FHIT: variants seen among roughly 807,000 people sequenced by gnomAD.
The protein encoded by FHIT is fragile histidine triad diadenosine triphosphatase, also known as bis(5'-adenosyl)-triphosphatase.
Under a neutral mutation model 17.9 loss-of-function variants are expected in FHIT, and 19 were observed. That is an observed-to-expected ratio of 1.06 (90% CI 0.74 to 1.56). The LOEUF (loss-of-function observed/expected upper bound fraction) is 1.56, where lower values mean the gene tolerates loss of function less well. Among genes scored for constraint, FHIT ranks in the 40% most tolerant of loss-of-function variants. The pLI is 0.00. For synonymous variants in FHIT, 81 were observed against 69.7 expected (o/e 1.16, Z -0.81); for missense variants, 248 against 189.2 (o/e 1.31, Z -1.82).
chr3:60,761,327 C>G (rs1396831193), intron 4 of FHIT, among the ~76,000 whole-genome samples: 1 of 152,114 alleles, frequency 6.6e-6, no homozygotes, highest in Non-Finnish European at 1.5e-5. Flanking sequence ...AGTGAACGTG[C>G]GTATGAGCAC....
At chr3:60,177,362 T>C (rs1293950277) in intron 5 of FHIT, among the ~76,000 whole-genome samples, 2 of 151,656 alleles carry the variant, frequency 1.3e-5, no homozygotes, top group East Asian at 1.9e-4. Context: ...GCAAAAGTAC[T>C]AGCACAACTG....
Position 60,981,766 on chromosome 3 carries a change from G to A in FHIT, c.-111+60281C>T, listed in dbSNP as rs539784363. On this transcript the variant is annotated intron_variant, in intron 3 of 9. Transcript: ENST00000492590. ...TGGGACTACAGGTGTACACCACCATGTCTGGCTATTTTTTTTTTAAGAGAT... is the reference window on the plus strand; with the variant it reads ...TGGGACTACAGGTGTACACCACCATATCTGGCTATTTTTTTTTTAAGAGAT... 4.7e-5 allele frequency among the ~76,000 whole-genome samples: 4 copies of A among 85,492 alleles called. No individual in the cohort carries two copies. In the East Asian group the frequency reaches 1.3e-3, roughly 27 times the overall value. The allele number at this position is 85,492 out of a possible 152,430, so 56.1% of individuals were successfully genotyped here.
intron 5 of FHIT, among the ~76,000 whole-genome samples, chr3:60,230,674 C>CT: frequency 6.6e-6 from 1 of 152,234 alleles, no homozygotes; most frequent in East Asian, 1.9e-4. Context: ...AGTAGAATGC[C>CT]TTTTTGTCCA....
At chr3:61,203,179 CAAAAAAA>C (rs397876939) in intron 1 of FHIT, among the ~76,000 whole-genome samples, 11 of 86,372 alleles carry the variant, frequency 1.3e-4, no homozygotes, top group African/African-American at 5.5e-4. Context: ...GACTCCGTCT[CAAAAAAA>C]AAAAAAAAAA....
intron 3 of FHIT, among the ~76,000 whole-genome samples, chr3:60,845,591 T>C (rs1201638901): frequency 2.0e-5 from 3 of 152,194 alleles, no homozygotes; most frequent in African/African-American, 7.2e-5. Flanking sequence ...TGCGATGCTA[T>C]CTTAAGATTG....
intron 5 of FHIT, among the ~76,000 whole-genome samples, chr3:60,346,570 C>G (rs6771886): frequency 6.6e-6 from 1 of 151,924 alleles, no homozygotes; most frequent in Non-Finnish European, 1.5e-5. Flanking sequence ...GAATCCCCCA[C>G]GCTTTGCTGA....
intron 4 of FHIT, among the ~76,000 whole-genome samples, chr3:60,563,800 G>T (rs1321806801): frequency 1.3e-5 from 2 of 152,192 alleles, no homozygotes; most frequent in African/African-American, 4.8e-5. Context: ...AGCAGAGATT[G>T]GTCATGAGGT....
intron 4 of FHIT, among the ~76,000 whole-genome samples, chr3:60,799,552 C>T (rs1249022022): frequency 6.6e-6 from 1 of 152,184 alleles, no homozygotes; most frequent in Non-Finnish European, 1.5e-5. Context: ...TGTGCACTTC[C>T]TTCCTTGCCC....
intron 5 of FHIT, among the ~76,000 whole-genome samples, chr3:60,201,000 G>T (rs213299): frequency 0.52 from 79,147 of 151,960 alleles, 21,123 homozygotes; most frequent in East Asian, 0.83. Flanking sequence ...GTCTCCAACA[G>T]AACTTACTAA....
At chr3:61,110,563 T>C (rs971762571) in intron 2 of FHIT, among the ~76,000 whole-genome samples, 2 of 152,158 alleles carry the variant, frequency 1.3e-5, no homozygotes, top group Non-Finnish European at 2.9e-5. Context: ...TCACTATCTG[T>C]CTTCCAATAG....
intron 3 of FHIT, among the ~76,000 whole-genome samples, chr3:61,036,155 C>A (rs1158623435): frequency 1.3e-5 from 2 of 152,146 alleles, no homozygotes; most frequent in Non-Finnish European, 2.9e-5. Flanking sequence ...TGACTCATGG[C>A]AGAAGGCGAA....
At chr3:60,458,484 T>C (rs2032253362) in intron 5 of FHIT, among the ~76,000 whole-genome samples, 1 of 151,652 alleles carries the variant, frequency 6.6e-6, no homozygotes, top group Non-Finnish European at 1.5e-5. Context: ...ATATACCTAA[T>C]GTTAAATGAT....
intron 3 of FHIT, among the ~76,000 whole-genome samples, chr3:60,927,510 C>G (rs1374091948): frequency 6.6e-6 from 1 of 152,138 alleles, no homozygotes; most frequent in Non-Finnish European, 1.5e-5. Context: ...AGCACCTCTT[C>G]CTGGCCTTCA....
intron 5 of FHIT, among the ~76,000 whole-genome samples, chr3:60,109,064 C>T (rs975572313): frequency 5.1e-4 from 77 of 152,086 alleles, no homozygotes; most frequent in African/African-American, 1.7e-3. Context: ...TAACTGGGAG[C>T]TTCCTAACTA....
intron 4 of FHIT, among the ~76,000 whole-genome samples, chr3:60,744,467 C>A (rs1337600309): frequency 6.6e-6 from 1 of 152,082 alleles, no homozygotes; most frequent in Non-Finnish European, 1.5e-5. Context: ...CAACTTTGTT[C>A]TAATAGGGGA....
At chr3:60,052,077 T>A (rs1347944066) in intron 5 of FHIT, among the ~76,000 whole-genome samples, 1 of 152,176 alleles carries the variant, frequency 6.6e-6, no homozygotes, top group African/African-American at 2.4e-5. Flanking sequence ...ATATTCACTC[T>A]TGACTACCCC....
chr3:59,945,284 G>A (rs1187715911), intron 7 of FHIT, among the ~76,000 whole-genome samples: 1 of 152,122 alleles, frequency 6.6e-6, no homozygotes, highest in East Asian at 1.9e-4. Context: ...GTGATGTTGA[G>A]CATTTTTTCA....
intron 5 of FHIT, among the ~76,000 whole-genome samples, chr3:60,158,318 C>CTT (rs1464763849): frequency 1.9e-4 from 29 of 151,988 alleles, no homozygotes; most frequent in African/African-American, 6.0e-4. Flanking sequence ...TTCATAATTT[C>CTT]TCTCTCTTTT....
intron 3 of FHIT, among the ~76,000 whole-genome samples, chr3:60,843,445 C>CA (rs1702808546): frequency 2.0e-5 from 3 of 152,140 alleles, no homozygotes; most frequent in Non-Finnish European, 2.9e-5. Flanking sequence ...CACCTAGAGA[C>CA]AAAATTATCA....
Sources: gnomAD v4.1 joint callset for allele counts (sites outside exome capture counted in the v4.1 genomes callset) on GRCh38, gnomAD v4.1.1 for gene constraint, MANE v1.5 for transcripts, NCBI Gene and HGNC (gene_info 2026-07-23, HGNC 2026-07-21) for gene names.